WNK1: variants seen among roughly 807,000 people sequenced by gnomAD.
WNK1 encodes serine/threonine-protein kinase WNK1.
Under a neutral mutation model 222.8 loss-of-function variants are expected in WNK1, and 38 were observed. That is an observed-to-expected ratio of 0.17 (90% CI 0.13 to 0.22). The LOEUF is 0.22. Ranked by LOEUF, WNK1 falls within the 10% of genes least tolerant of loss-of-function variation. WNK1 has a pLI of 1.00. For missense variants in WNK1, 2,348 were observed against 2,918.4 expected, an observed-to-expected ratio of 0.80 and a Z score of 4.50; for synonymous variants, 1,090 against 1,092.9, an observed-to-expected ratio of 1.00 and a Z score of 0.05.
chr12:818,889 A>G (rs1354057467), intron 2 of WNK1, among the ~76,000 whole-genome samples: 1 of 152,234 alleles, frequency 6.6e-6, no homozygotes, highest in Non-Finnish European at 1.5e-5. Context: ...TTTGGGCTGT[A>G]TCCACCTTTT....
At chr12:863,250 C>T (rs1951354447) in intron 8 of WNK1, among the ~76,000 whole-genome samples, 2 of 151,940 alleles carry the variant, frequency 1.3e-5, no homozygotes, top group Non-Finnish European at 2.9e-5. Context: ...TCTGCTTGTT[C>T]GATTTTTTAT....
intron 4 of WNK1, among the ~76,000 whole-genome samples, chr12:839,561 T>A (rs1346008411): frequency 6.6e-6 from 1 of 152,182 alleles, no homozygotes; most frequent in East Asian, 1.9e-4. Context: ...TTTTTCCACT[T>A]AACATTTATG....
Position 881,831 on chromosome 12 carries a change from G to C in WNK1, c.3209+42G>C, listed in dbSNP as rs143224088. 73 of 1,613,548 alleles carry C rather than the reference G, an allele frequency of 4.5e-5. No homozygotes were observed. The East Asian group carries it at 1.4e-3, about 32-fold the overall frequency. ...TTCTCCTTCCTTGACTGGTAAATAA[G>C]ACGGTATGAAACGCCAAACTGTCAG... On this transcript the variant is annotated intron_variant, in intron 13 of 27. Transcript: ENST00000315939.
intron 1 of WNK1, among the ~76,000 whole-genome samples, chr12:799,085 T>G (rs1291366862): frequency 6.6e-6 from 1 of 152,114 alleles, no homozygotes; most frequent in Non-Finnish European, 1.5e-5. Flanking sequence ...ATATTTTAGG[T>G]TGACATTATT....
At chr12:761,465 G>T (rs144023587) in intron 1 of WNK1, among the ~76,000 whole-genome samples, 9 of 147,834 alleles carry the variant, frequency 6.1e-5, no homozygotes, top group African/African-American at 2.2e-4. Flanking sequence ...TCATACTCAG[G>T]TTAGTTAAGA....
intron 1 of WNK1, among the ~76,000 whole-genome samples, chr12:787,779 C>CA (rs1944451608): frequency 1.3e-5 from 2 of 151,732 alleles, no homozygotes; most frequent in Admixed American, 1.3e-4. Flanking sequence ...ACAGGCACAA[C>CA]AAAAAAATGT....
chr12:776,045 G>A (rs950901544), intron 1 of WNK1, among the ~76,000 whole-genome samples: 5 of 152,158 alleles, frequency 3.3e-5, no homozygotes, highest in Non-Finnish European at 7.3e-5. Flanking sequence ...TGACCCCAAA[G>A]ACAATAAAGA....
chr12:851,093 C>T (rs948694505), intron 4 of WNK1, among the ~76,000 whole-genome samples: 2 of 152,206 alleles, frequency 1.3e-5, no homozygotes, highest in East Asian at 3.9e-4. Context: ...ACTTTAAAAA[C>T]GAATTTAAGG....
At chr12:862,000 T>C in intron 7 of WNK1, 83 bp from the exon 8 acceptor site, 1 of 1,510,144 alleles carries the variant, frequency 6.6e-7, no homozygotes, top group Non-Finnish European at 9.1e-7. Flanking sequence ...ATATAATGGG[T>C]CTAAATATGA....
chr12:767,410 G>C (rs987441306), intron 1 of WNK1, among the ~76,000 whole-genome samples: 4 of 151,790 alleles, frequency 2.6e-5, no homozygotes, highest in Admixed American at 1.3e-4. Flanking sequence ...GCGCCACCAT[G>C]CCTGGCTAAT....
At chr12:862,306 G>A in intron 8 of WNK1, 36 bp downstream of exon 8, 1 of 1,601,374 alleles carries the variant, frequency 6.2e-7, no homozygotes, top group Non-Finnish European at 8.6e-7. Flanking sequence ...ATACTACAAT[G>A]AGAGCCAATG....
rs752499633 is a variant in WNK1, at chr12:865,202, C to T, written c.2139+2932C>T. 2.9e-5 allele frequency: 45 copies of T among 1,535,886 alleles called. No homozygotes were observed. Among genetic ancestry groups the T allele is most frequent in the Admixed American group, 1.2e-4 (6 of 50,954 alleles). ...CTCTCCCAGTGCTCTTCCACCCCAC[C>T]GCCAGTACTGTCTGCACCTCTTTCT... On this transcript the variant is annotated intron_variant, in intron 8 of 27. Transcript: ENST00000315939.
At chr12:890,555 C>T in intron 22 of WNK1, 42 bp downstream of exon 22, 2 of 1,606,366 alleles carry the variant, frequency 1.2e-6, no homozygotes, top group Non-Finnish European at 8.5e-7. Context: ...TAATTCCAGC[C>T]CTACCCGTAG....
rs548864609 is a variant in WNK1 at position 762,421 on chromosome 12, T to C, written c.759+8097T>C. Reference sequence around the variant, plus strand: ...ATGTAAGTGCTATGTAAATAGTTTTTATACTGTAGTGTTTTAAAATTCATG... The same window carrying C: ...ATGTAAGTGCTATGTAAATAGTTTTCATACTGTAGTGTTTTAAAATTCATG... On this transcript the variant is annotated intron_variant, in intron 1 of 27. Coordinates refer to ENST00000315939, the MANE Select transcript of WNK1 (RefSeq NM_018979.4). Among the ~76,000 whole-genome samples, 4 of 148,032 alleles carry C rather than the reference T, an allele frequency of 2.7e-5. 1 individual carries two copies. Among genetic ancestry groups the C allele is most frequent in the Non-Finnish European group, 6.0e-5 (4 of 66,214 alleles).
intron 9 of WNK1, among the ~76,000 whole-genome samples, chr12:877,240 A>G (rs944101985): frequency 1.3e-5 from 2 of 151,666 alleles, no homozygotes; most frequent in African/African-American, 4.8e-5. Flanking sequence ...ATTTTTTGCA[A>G]TTTTAGTAGC....
chr12:839,975 A>T (rs6489753), intron 4 of WNK1, among the ~76,000 whole-genome samples: 1 of 148,632 alleles, frequency 6.7e-6, no homozygotes, highest in Non-Finnish European at 1.5e-5. Context: ...TGATCCGCCC[A>T]CCTCGGCCCC....
At chr12:892,236 G>C (rs2154091420) in intron 22 of WNK1, among the ~76,000 whole-genome samples, 1 of 151,834 alleles carries the variant, frequency 6.6e-6, no homozygotes, top group African/African-American at 2.4e-5. Flanking sequence ...GTCCCAAGGG[G>C]ATTTTTTTCA....
chr12:893,508 G>T (rs1337882801), intron 22 of WNK1, among the ~76,000 whole-genome samples: 1 of 152,120 alleles, frequency 6.6e-6, no homozygotes, highest in Non-Finnish European at 1.5e-5. Context: ...CCCCGGAAAG[G>T]TTTTTAAATT....
intron 21 of WNK1, among the ~76,000 whole-genome samples, chr12:889,951 C>T (rs1592196177): frequency 2.3e-5 from 3 of 130,448 alleles, no homozygotes; most frequent in Non-Finnish European, 1.6e-5. Context: ...TAAAATGTAC[C>T]TTTTTTTTTT....
Sources: gnomAD v4.1 joint callset for allele counts (sites outside exome capture counted in the v4.1 genomes callset) on GRCh38, gnomAD v4.1.1 for gene constraint, MANE v1.5 for transcripts, NCBI Gene and HGNC (gene_info 2026-07-23, HGNC 2026-07-21) for gene names.